Variants in HACD2 observed in about 807,000 individuals in gnomAD.
The protein encoded by HACD2 is very-long-chain (3R)-3-hydroxyacyl-CoA dehydratase 2.
Under a neutral mutation model 31.0 loss-of-function variants are expected in HACD2, and 15 were observed. The ratio of observed to expected loss-of-function variants is 0.48; its 90% confidence interval spans 0.32 to 0.75. The LOEUF is 0.75. Among genes scored for constraint, HACD2 ranks in the 30% least tolerant of loss-of-function variants. The pLI is 0.03. For missense variants in HACD2, 283 were observed against 313.0 expected, an observed-to-expected ratio of 0.90 and a Z score of 0.72; for synonymous variants, 115 against 122.2, an observed-to-expected ratio of 0.94 and a Z score of 0.39.
chr3:123,528,525 TATATA>T (rs1279347637), intron 3 of HACD2, 51 bp from the exon 4 acceptor site: 13 of 1,058,906 alleles, frequency 1.2e-5, no homozygotes, highest in East Asian at 4.7e-5. Flanking sequence ...TAAGTTTCGA[TATATA>T]ATATATTTTC....
At chr3:123,577,641 A>C (rs1246191604) in intron 2 of HACD2, among the ~76,000 whole-genome samples, 1 of 151,794 alleles carries the variant, frequency 6.6e-6, no homozygotes, top group Non-Finnish European at 1.5e-5. Flanking sequence ...AAAAAAAAGA[A>C]AGTGTCTTTG....
Position 123,581,758 on chromosome 3 carries a change from C to T in HACD2, c.273+454G>A, listed in dbSNP as rs1214709307. On this transcript the variant is annotated intron_variant, in intron 2 of 6. Coordinates refer to ENST00000383657, the MANE Select transcript of HACD2 (RefSeq NM_198402.5). ...AAGAGAGAGGGCTGGATATACATTGCCCTTAATGCAGGGAAATCAATACAT... is the reference window on the plus strand; with the variant it reads ...AAGAGAGAGGGCTGGATATACATTGTCCTTAATGCAGGGAAATCAATACAT... 2.6e-5 allele frequency among the ~76,000 whole-genome samples: 4 copies of T among 152,180 alleles called. No homozygotes were observed. The East Asian group carries it at 7.7e-4, about 29-fold the overall frequency.
intron 3 of HACD2, among the ~76,000 whole-genome samples, chr3:123,539,910 C>CAAA (rs1399393730): frequency 1.7e-4 from 1 of 5,716 alleles, no homozygotes; most frequent in Non-Finnish European, 9.5e-4. Context: ...CTCGTCTCTA[C>CAAA]TAAAAAAAAA....
chr3:123,526,533 C>CT (rs368974799), intron 4 of HACD2, among the ~76,000 whole-genome samples: 63 of 142,378 alleles, frequency 4.4e-4, no homozygotes, highest in South Asian at 1.6e-3. Context: ...TTTTCTTTTC[C>CT]TTTTTTTTTT....
At chr3:123,497,913 G>A (rs1293388874) in intron 6 of HACD2, among the ~76,000 whole-genome samples, 2 of 152,184 alleles carry the variant, frequency 1.3e-5, no homozygotes, top group African/African-American at 4.8e-5. Context: ...TTAAAAGAAC[G>A]CTACCTTGTT....
chr3:123,560,048 C>G (rs6776642), intron 3 of HACD2, among the ~76,000 whole-genome samples: 151,052 of 152,344 alleles, frequency 0.99, 74,889 homozygotes, highest in East Asian at 1. Flanking sequence ...TGGTGTTCCA[C>G]GCCAAGGAAA....
intron 3 of HACD2, among the ~76,000 whole-genome samples, chr3:123,565,792 A>G (rs879401033): frequency 1.3e-5 from 2 of 152,308 alleles, no homozygotes; most frequent in East Asian, 3.9e-4. Context: ...ATATCCCCCA[A>G]TCTGCTAGGA....
chr3:123,540,996 C>A (rs2056483635), intron 3 of HACD2, among the ~76,000 whole-genome samples: 1 of 152,156 alleles, frequency 6.6e-6, no homozygotes, highest in African/African-American at 2.4e-5. Flanking sequence ...CCCAGCCGGG[C>A]ACGATGGCTC....
intron 4 of HACD2, among the ~76,000 whole-genome samples, chr3:123,523,916 G>C (rs2056248460): frequency 6.6e-6 from 1 of 152,224 alleles, no homozygotes; most frequent in Non-Finnish European, 1.5e-5. Context: ...AATGATTTCA[G>C]ATCTTCCTCT....
chr3:123,499,770 G>A, intron 6 of HACD2: 3 of 349,656 alleles, frequency 8.6e-6, no homozygotes, highest in South Asian at 2.3e-5. Context: ...AAGATCTTTT[G>A]GTATATAGAA....
At position 123,584,864 on chromosome 3, in the gene HACD2, C is replaced by A; in HGVS notation, c.155+9G>T. The A allele has an allele frequency of 6.7e-7, 1 of 1,496,650 alleles. No individual in the cohort carries two copies. The highest frequency in any genetic ancestry group is 1.5e-5 in the African/African-American group (1 of 68,560). 92.7% of individuals were successfully genotyped at this position (1,496,650 alleles called of 1,614,324 possible). Reference sequence around the variant, plus strand: ...GCTGGCTCCCCGCCTCCCCGAGCCCCAGCCTCACCCGGCTGTCATCACCAC... The same window carrying A: ...GCTGGCTCCCCGCCTCCCCGAGCCCAAGCCTCACCCGGCTGTCATCACCAC... On this transcript the variant is annotated intron_variant, in intron 1 of 6. Transcript: ENST00000383657.
At position 123,538,218 on chromosome 3, in the gene HACD2, T is replaced by C. The variant is rs3732494; in HGVS notation, c.293-9744A>G. Among the ~76,000 whole-genome samples, 47 of 152,286 alleles carry C rather than the reference T, an allele frequency of 3.1e-4. No homozygotes were observed. In the East Asian group the frequency reaches 6.9e-3, roughly 22 times the overall value. On this transcript the variant is annotated intron_variant, in intron 3 of 6. Coordinates refer to ENST00000383657, the MANE Select transcript of HACD2 (RefSeq NM_198402.5). ...GCTCCCGACCACCCCCAGAAAGCAATATTCAATAAATTTCACATAACCACA... is the reference window on the plus strand; with the variant it reads ...GCTCCCGACCACCCCCAGAAAGCAACATTCAATAAATTTCACATAACCACA...
At chr3:123,574,257 G>A (rs12637817) in intron 2 of HACD2, among the ~76,000 whole-genome samples, 19,321 of 152,082 alleles carry the variant, frequency 0.13, 2,869 homozygotes, top group East Asian at 0.34. Context: ...CTTCTGCTCC[G>A]AAATCAACTT....
chr3:123,509,720 C>T (rs1228409750), intron 4 of HACD2, among the ~76,000 whole-genome samples: 39 of 151,992 alleles, frequency 2.6e-4, no homozygotes, highest in Admixed American at 2.6e-3. Flanking sequence ...AGGATGGTCT[C>T]GATCTCCTGA....
chr3:123,576,715 A>C (rs531433507), intron 2 of HACD2, among the ~76,000 whole-genome samples: 49 of 152,326 alleles, frequency 3.2e-4, no homozygotes, highest in African/African-American at 8.7e-4. Context: ...TTATGTCCTC[A>C]AACCAGTTCA....
chr3:123,583,830 G>A (rs1354920210), intron 1 of HACD2, among the ~76,000 whole-genome samples: 1 of 152,190 alleles, frequency 6.6e-6, no homozygotes, highest in Admixed American at 6.5e-5. Context: ...GGAAAGGTGG[G>A]AGGAAAGATT....
chr3:123,515,377 A>C (rs1157599672), intron 4 of HACD2, among the ~76,000 whole-genome samples: 2 of 152,202 alleles, frequency 1.3e-5, no homozygotes, highest in Non-Finnish European at 2.9e-5. Context: ...TGCTTAGCAC[A>C]ATGCCTGGGG....
chr3:123,501,015 G>A (rs1353664985), intron 5 of HACD2, among the ~76,000 whole-genome samples: 3 of 152,186 alleles, frequency 2.0e-5, no homozygotes, highest in Non-Finnish European at 2.9e-5. Context: ...TAGGGGAACT[G>A]AGTCATGGTT....
In HACD2 at chr3:123,528,454, C is replaced by A; in HGVS notation, c.313G>T (p.Val105Phe). The change falls in exon 4 of 7, where the codon GTC becomes TTC. Residue 105 changes from valine to phenylalanine, a missense_variant. Physicochemically the swap from Val to Phe is conservative, Grantham distance 50. Around this residue, in one of 3 missense-constraint regions of HACD2, gnomAD observed 158 missense variants for 148.3 expected, o/e 1.07. Transcript: ENST00000383657. ...GACATCACCTGGAAAGAAGTCAGGACAACAGAAGATGGAACAATTCCTGAA... is the reference window on the plus strand; with the variant it reads ...GACATCACCTGGAAAGAAGTCAGGAAAACAGAAGATGGAACAATTCCTGAA... ...CAIGIVPSSV[V>F]LTSFQVMSRV... 1.9e-6 allele frequency: 3 copies of A among 1,611,348 alleles called. No homozygotes were observed. Among genetic ancestry groups the A allele is most frequent in the Non-Finnish European group, 2.5e-6 (3 of 1,177,694 alleles).
Sources: allele counts gnomAD v4.1 joint callset (sites outside exome capture counted in the v4.1 genomes callset), GRCh38; gene constraint gnomAD v4.1.1; regional missense constraint gnomAD v4.1.1; transcripts MANE v1.5; gene names NCBI Gene and HGNC (gene_info 2026-07-23, HGNC 2026-07-21).